ZNF836: variants seen among roughly 807,000 people sequenced by gnomAD.
The protein encoded by ZNF836 is zinc finger protein 836.
A neutral mutation model predicts 7.4 loss-of-function variants in ZNF836; 12 were observed. The observed-to-expected ratio is 1.61, with a 90% CI of 1.03 to 2.61. The LOEUF (loss-of-function observed/expected upper bound fraction) is 2.61. Ranked by LOEUF, ZNF836 falls within the 30% of genes most tolerant of loss-of-function variation. The pLI, the probability that ZNF836 is intolerant of heterozygous loss-of-function variation, is 0.00. For missense variants in ZNF836, 998 were observed against 1,126.2 expected, an observed-to-expected ratio of 0.89 and a Z score of 1.63; for synonymous variants, 365 against 382.6, an observed-to-expected ratio of 0.95 and a Z score of 0.54.
intron 4 of ZNF836, among the ~76,000 whole-genome samples, chr19:52,158,979 T>C (rs1177987792): frequency 6.6e-6 from 1 of 152,044 alleles, no homozygotes; most frequent in Non-Finnish European, 1.5e-5. Flanking sequence ...TGAAAAAGCT[T>C]TTGCTTTTTG....
In ZNF836 at chr19:52,156,264, A is replaced by G. The variant is rs2089157925; in HGVS notation, c.1419T>C (p.Asn473=). The change falls in exon 5 of 5, where the codon AAT becomes AAC. Residue 473 remains asparagine, a synonymous_variant. Transcript: ENST00000682614. ...TCTGACTGAAGACCTTGCCACATTC[A>G]TTGCATTTGTAAGGTTTCTCTCCAG... ...SHTGEKPYKC[N]ECGKVFSQTS... The G allele has an allele frequency of 6.2e-7, 1 of 1,614,052 alleles. No homozygotes were observed.
chr19:52,157,861 G>A (rs1446571156), intron 4 of ZNF836, among the ~76,000 whole-genome samples: 5 of 152,036 alleles, frequency 3.3e-5, no homozygotes, highest in African/African-American at 4.8e-5. Context: ...GAGCCACTGC[G>A]CCTGGCCGAA....
At position 52,163,716 on chromosome 19, in the gene ZNF836, G is replaced by A. The variant is rs148922360; in HGVS notation, c.16-3125C>T. Among the ~76,000 whole-genome samples the A allele has an allele frequency of 5.2e-3, 791 of 152,234 alleles. 7 individuals are homozygous for A. Among genetic ancestry groups the A allele is most frequent in the African/African-American group, 0.018 (767 of 41,542 alleles). On this transcript the variant is annotated intron_variant, in intron 3 of 4. Coordinates refer to ENST00000682614, the MANE Select transcript of ZNF836 (RefSeq NM_001102657.3). ...AAAGGAACAGGATGAAAGGTTAGGG[G>A]CCACTGAGAAAAAAGAAGATTGACA...
At chr19:52,159,116 A>G (rs2089191628) in intron 4 of ZNF836, among the ~76,000 whole-genome samples, 1 of 152,144 alleles carries the variant, frequency 6.6e-6, no homozygotes, top group Admixed American at 6.5e-5. Flanking sequence ...CAGATCTGTG[A>G]AAAGTGACTT....
intron 3 of ZNF836, among the ~76,000 whole-genome samples, chr19:52,162,586 A>C (rs538569461): frequency 6.6e-6 from 1 of 152,324 alleles, no homozygotes; most frequent in East Asian, 1.9e-4. Context: ...AGAAGGGGCC[A>C]GGGGGCATCT....
chr19:52,162,471 C>A (rs1389599852), intron 3 of ZNF836, among the ~76,000 whole-genome samples: 2 of 152,152 alleles, frequency 1.3e-5, no homozygotes, highest in Non-Finnish European at 2.9e-5. Context: ...GTTGATGTTG[C>A]CAAGGTTTAC....
At chr19:52,159,152 T>C (rs1225364057) in intron 4 of ZNF836, among the ~76,000 whole-genome samples, 1 of 152,150 alleles carries the variant, frequency 6.6e-6, no homozygotes, top group Non-Finnish European at 1.5e-5. Context: ...ACCCTATCTA[T>C]GGTATCTGCT....
intron 3 of ZNF836, among the ~76,000 whole-genome samples, chr19:52,164,649 C>A (rs1208467683): frequency 6.6e-6 from 1 of 151,908 alleles, no homozygotes; most frequent in African/African-American, 2.4e-5. Context: ...CTATAAAAAA[C>A]AGAGAAAAAT....
At chr19:52,164,789 G>A (rs750771878) in intron 3 of ZNF836, among the ~76,000 whole-genome samples, 17 of 152,116 alleles carry the variant, frequency 1.1e-4, no homozygotes, top group Non-Finnish European at 1.8e-4. Context: ...TTTACTGAAA[G>A]GCATAATATA....
chr19:52,154,125 A>G lies in ZNF836; in HGVS notation c.*747T>C, dbSNP rs185077749. The G allele has an allele frequency of 7.0e-6, 1 of 142,646 alleles. No individual in the cohort carries two copies. Among genetic ancestry groups the G allele is most frequent in the East Asian group, 2.1e-4 (1 of 4,790 alleles). The allele number at this position is 142,646 out of a possible 1,614,324, so 8.8% of individuals were successfully genotyped here. ...GAGTGCACTGGCACGATCTTGGCTC[A>G]CTGCAACCTCTGTCTCCTGGGTTCA... On this transcript the variant is annotated 3_prime_UTR_variant, in exon 5 of 5. Coordinates refer to ENST00000682614, the MANE Select transcript of ZNF836 (RefSeq NM_001102657.3).
Position 52,156,670 on chromosome 19 carries a change from G to GT in ZNF836, c.1012dup (p.Thr338AsnfsTer24). 6.2e-7 allele frequency: 1 copy of GT among 1,613,954 alleles called. No individual in the cohort carries two copies. Among genetic ancestry groups the GT allele is most frequent in the East Asian group, 2.2e-5 (1 of 44,876 alleles). On this transcript the variant is annotated frameshift_variant, in exon 5 of 5. Coordinates refer to ENST00000682614, the MANE Select transcript of ZNF836 (RefSeq NM_001102657.3). LOFTEE classifies it low-confidence loss of function (END_TRUNC). ...AGTGAGGCATGAGCCTTGTTTGAAGGTTTTCCCACACTCATTACATTTGTA... is the reference window on the plus strand; with the variant it reads ...AGTGAGGCATGAGCCTTGTTTGAAGGTTTTTCCCACACTCATTACATTTGTA...
rs145104830 is a variant in ZNF836, at chr19:52,157,144, AGTG to A, written c.536_538del (p.Pro179del). 2,244 of 1,613,410 alleles carry A rather than the reference AGTG, an allele frequency of 1.4e-3. 23 individuals carry two copies. The African/African-American group carries it at 0.025, about 18-fold the overall frequency. On this transcript the variant is annotated inframe_deletion, in exon 5 of 5. Transcript: ENST00000682614. ...TTGGACACTAGGAAGAATTCTTTGA[AGTG>A]GTGAAACTAGGGAACTGTTATTAAC...
chr19:52,155,548 T>C lies in ZNF836; in HGVS notation c.2135A>G (p.Tyr712Cys), dbSNP rs1203741885. 1.2e-6 allele frequency: 2 copies of C among 1,614,018 alleles called. No individual in the cohort carries two copies. The highest frequency in any genetic ancestry group is 3.3e-5 in the Admixed American group (2 of 60,026). ...AFIQSSKLAR[Y>C]HRNPTGEKPH... ...TTTCTCCCCAGTAGGATTTCTGTGA[T>C]ATCTTGCAAGTTTTGAACTTTGGAT... The change falls in exon 5 of 5, where the codon TAT (tyrosine) becomes TGT (cysteine). Residue 712 changes from tyrosine to cysteine, a missense_variant. Physicochemically the swap from Tyr to Cys is radical, Grantham distance 194. Transcript: ENST00000682614.
chr19:52,168,211 C>T, intron 2 of ZNF836, 59 bp from the exon 3 acceptor site: 1 of 1,130,416 alleles, frequency 8.8e-7, no homozygotes. Flanking sequence ...TTCTGCGCTA[C>T]AACCATGCCC....
At chr19:52,164,449 A>AAGG (rs2089243346) in intron 3 of ZNF836, among the ~76,000 whole-genome samples, 3 of 137,200 alleles carry the variant, frequency 2.2e-5, no homozygotes, top group South Asian at 2.3e-4. Context: ...GAGAGAGAGA[A>AAGG]AAGGAAGGAA....
At chr19:52,164,168 A>G (rs193080421) in intron 3 of ZNF836, among the ~76,000 whole-genome samples, 4 of 152,046 alleles carry the variant, frequency 2.6e-5, no homozygotes, top group Non-Finnish European at 5.9e-5. Flanking sequence ...AAGGAGGGCA[A>G]ATCACCTGAG....
chr19:52,155,094 T>C lies in ZNF836; in HGVS notation c.2589A>G (p.Lys863=), dbSNP rs2089138883. The C allele has an allele frequency of 5.0e-6, 8 of 1,614,214 alleles. No individual in the cohort carries two copies. Among genetic ancestry groups the C allele is most frequent in the Non-Finnish European group, 6.8e-6 (8 of 1,180,016 alleles). Residue 863 remains lysine, a synonymous_variant, in exon 5 of 5, where the codon AAA becomes AAG. Coordinates refer to ENST00000682614, the MANE Select transcript of ZNF836 (RefSeq NM_001102657.3). ...CAAAGGCCTTGCCACATTCAATACA[T>C]TTGTATGGCTTCTCTCCAGTGTGAT... ...QRNHTGEKPY[K]CIECGKAFGR... is the part of the protein sequence containing the mutation.
At position 52,168,250 on chromosome 19, in the gene ZNF836, C is replaced by G. The variant is rs929840754; in HGVS notation, c.-80-98G>C. ...GGGAAGACCTCAGCATGTGGAGAGA[C>G]AGCCCACTGCACCAGGGGGATGCAA... On this transcript the variant is annotated intron_variant, in intron 2 of 4. Transcript: ENST00000682614. 15 of 689,908 alleles carry G rather than the reference C, an allele frequency of 2.2e-5. No homozygotes were observed. In the Admixed American group the frequency reaches 3.9e-4, roughly 18 times the overall value. The allele number at this position is 689,908 out of a possible 1,614,324, so 42.7% of individuals were successfully genotyped here.
chr19:52,156,886 A>C lies in ZNF836; in HGVS notation c.797T>G (p.Ile266Arg), dbSNP rs750828865. ...HRGSLLTIHQ[I>R]VHTRGKPYQC... The stretch of plus-strand genomic sequence containing the variant: ...ATATGGCTTCCCCCTTGTATGGACT[A>C]TCTGATGTATAGTTAGTAGTGAGCC... The change falls in exon 5 of 5, where the codon ATA becomes AGA. Residue 266 changes from isoleucine to arginine, a missense_variant. Ile to Arg is a moderately conservative substitution (Grantham distance 97). Transcript: ENST00000682614. The C allele has an allele frequency of 1.7e-5, 27 of 1,613,998 alleles. No individual in the cohort carries two copies. The highest frequency in any genetic ancestry group is 2.0e-5 in the Non-Finnish European group (24 of 1,180,028).
Sources: gnomAD v4.1 joint callset for allele counts (sites outside exome capture counted in the v4.1 genomes callset) on GRCh38, gnomAD v4.1.1 for gene constraint, MANE v1.5 for transcripts, NCBI Gene and HGNC (gene_info 2026-07-23, HGNC 2026-07-21) for gene names.